Variants in TUBA4B observed in about 807,000 individuals in gnomAD.
TUBA4B encodes tubulin alpha 4b.
TUBA4B carries 13 observed loss-of-function variants against 18.4 expected under a neutral mutation model. The ratio of observed to expected loss-of-function variants is 0.71; its 90% CI spans 0.46 to 1.12. TUBA4B has a LOEUF of 1.12. Ranked by LOEUF, TUBA4B falls within the 50% of genes most tolerant of loss-of-function variation. The pLI is 0.00. For missense variants in TUBA4B, 244 were observed against 250.0 expected, an observed-to-expected ratio of 0.98 and a Z score of 0.16; for synonymous variants, 101 against 99.1, an observed-to-expected ratio of 1.02 and a Z score of -0.11.
rs1951831414 is a variant in TUBA4B, at chr2:219,272,059, A to G, written c.*360A>G. ...GGTGAGTTCTCCAAGGCCCATGAGG[A>G]TATGACTGCCCTGGAGAAGGATTAC... On this transcript the variant is annotated 3_prime_UTR_variant, in exon 4 of 4. Coordinates refer to ENST00000490341, the MANE Select transcript of TUBA4B (RefSeq NM_001355221.1). 6.0e-6 allele frequency: 8 copies of G among 1,335,494 alleles called. No individual in the cohort carries two copies. Among genetic ancestry groups the G allele is most frequent in the Non-Finnish European group, 8.6e-6 (8 of 935,326 alleles). 82.7% of individuals were successfully genotyped at this position (1,335,494 alleles called of 1,614,324 possible).
At chr2:219,270,072 G>A (rs1951816093) in intron 2 of TUBA4B, 130 bp from the exon 3 acceptor site, 5 of 623,854 alleles carry the variant, frequency 8.0e-6, no homozygotes, top group Non-Finnish European at 1.4e-5. Flanking sequence ...GCAGGTAATA[G>A]CAGCAGCCTG....
chr2:219,266,454 T>TATA, intron 1 of TUBA4B, 67 bp from the exon 2 acceptor site: 1 of 676,030 alleles, frequency 1.5e-6, no homozygotes, highest in South Asian at 1.6e-5. Context: ...ACCCAGCGAG[T>TATA]ATAAGGAGGA....
rs1312688130 is a variant in TUBA4B at position 219,271,480 on chromosome 2, C to T, written c.507C>T (p.Leu169=). 1 of 1,614,196 alleles carries T rather than the reference C, an allele frequency of 6.2e-7. No individual in the cohort carries two copies. The highest frequency in any genetic ancestry group is 1.7e-5 in the Admixed American group (1 of 60,024). ...ERPTYTNLNR[L]ISQIVSSITA... ...CAACCTACACCAACCTCAATCGCCTCATTAGCCAAATTGTCTCCTCCATCA... is the reference window on the plus strand; with the variant it reads ...CAACCTACACCAACCTCAATCGCCTTATTAGCCAAATTGTCTCCTCCATCA... The change falls in exon 4 of 4, where the codon CTC becomes CTT. Residue 169 remains leucine (L), a synonymous_variant. Transcript: ENST00000490341.
At chr2:219,268,254 A>G (rs531161904) in intron 2 of TUBA4B, among the ~76,000 whole-genome samples, 1 of 151,836 alleles carries the variant, frequency 6.6e-6, no homozygotes. Flanking sequence ...GATTATAAGC[A>G]TACACCATTT....
At chr2:219,270,889 C>T (rs1274229807) in intron 3 of TUBA4B, among the ~76,000 whole-genome samples, 4 of 149,336 alleles carry the variant, frequency 2.7e-5, no homozygotes, top group Non-Finnish European at 5.9e-5. Flanking sequence ...GTGCACTGGT[C>T]AGCCTAGACA....
rs370289235 is a variant in TUBA4B, at chr2:219,259,385, T to TTG, written c.12+5980_12+5981dup. On this transcript the variant is annotated intron_variant, in intron 1 of 3. Transcript: ENST00000490341. ...AGTGAAATACAGATTCTGCTTCTGA[T>TTG]TGTGTGTGTGTGTGTTTGTGTGTGT... Among the ~76,000 whole-genome samples the TTG allele has an allele frequency of 1.6e-3, 234 of 149,026 alleles. 1 individual carries two copies. The highest frequency in any genetic ancestry group is 7.1e-3 in the Middle Eastern group (2 of 282).
chr2:219,264,554 T>C lies in TUBA4B; in HGVS notation c.13-1967T>C, dbSNP rs1951778620. On this transcript the variant is annotated intron_variant, in intron 1 of 3. Transcript: ENST00000490341. ...CTGCTCTTGAGCGGTGGGGCTGTTA[T>C]GAGGTAGAATAAGGGTTACATGAGC... is the stretch of plus-strand genomic sequence containing the variant. 2.6e-5 allele frequency among the ~76,000 whole-genome samples: 4 copies of C among 151,942 alleles called. No individual in the cohort carries two copies. In the South Asian group the frequency reaches 8.3e-4, roughly 32 times the overall value.
At chr2:219,259,333 A>G (rs1456803042) in intron 1 of TUBA4B, among the ~76,000 whole-genome samples, 2 of 148,374 alleles carry the variant, frequency 1.3e-5, no homozygotes, top group East Asian at 2.0e-4. Context: ...AAAAAAAAAA[A>G]AAAAAAAGAA....
intron 2 of TUBA4B, among the ~76,000 whole-genome samples, chr2:219,267,827 T>C (rs1951799794): frequency 6.6e-6 from 1 of 152,108 alleles, no homozygotes; most frequent in South Asian, 2.1e-4. Flanking sequence ...CCTCCTAAAG[T>C]GTTGGGATTA....
At chr2:219,255,358 C>T (rs1415614764) in intron 1 of TUBA4B, among the ~76,000 whole-genome samples, 3 of 152,222 alleles carry the variant, frequency 2.0e-5, no homozygotes, top group Non-Finnish European at 4.4e-5. Flanking sequence ...CCTGCCTCAG[C>T]CTCTGGAGTA....
chr2:219,270,434 T>C (rs1951818624), intron 3 of TUBA4B, 99 bp downstream of exon 3: 2 of 663,870 alleles, frequency 3.0e-6, no homozygotes, highest in Non-Finnish European at 5.5e-6. Flanking sequence ...CTTCAGCCTC[T>C]GGGAGAAACA....
intron 1 of TUBA4B, among the ~76,000 whole-genome samples, chr2:219,257,991 T>G (rs992410924): frequency 7.0e-6 from 1 of 143,612 alleles, no homozygotes; most frequent in African/African-American, 2.6e-5. Context: ...GTGTTTTTTT[T>G]TTTTTTTTTT....
rs1188620838 is a variant in TUBA4B, at chr2:219,253,271, C to G, written c.-137C>G. ...TCTGCCCATCCGCGCACCCGGGCTT[C>G]GGCTGGAGAGGGCCAGCTCGCTTCA... On this transcript the variant is annotated 5_prime_UTR_variant, in exon 1 of 4. Transcript: ENST00000490341. The G allele has an allele frequency of 7.4e-6, 11 of 1,493,238 alleles. No homozygotes were observed. The East Asian group carries it at 2.2e-4, about 30-fold the overall frequency. 92.5% of individuals were successfully genotyped at this position (1,493,238 alleles called of 1,614,324 possible).
chr2:219,262,043 G>A (rs1221163272), intron 1 of TUBA4B, among the ~76,000 whole-genome samples: 1 of 152,244 alleles, frequency 6.6e-6, no homozygotes, highest in African/African-American at 2.4e-5. Context: ...CGGGTGTAGT[G>A]GCTCACGCCT....
chr2:219,267,709 C>T (rs1247165921), intron 2 of TUBA4B, among the ~76,000 whole-genome samples: 5 of 151,968 alleles, frequency 3.3e-5, no homozygotes, highest in African/African-American at 7.3e-5. Context: ...GGACTACAGG[C>T]GCTTGCCACC....
chr2:219,271,166 G>C lies in TUBA4B; in HGVS notation c.193G>C (p.Ala65Pro). 4.4e-6 allele frequency: 4 copies of C among 914,842 alleles called. No individual in the cohort carries two copies. Among genetic ancestry groups the C allele is most frequent in the Non-Finnish European group, 7.3e-6 (4 of 549,462 alleles). 56.7% of individuals were successfully genotyped at this position (914,842 alleles called of 1,614,324 possible). Residue 65 changes from alanine to proline, a missense_variant and splice_region_variant, in exon 4 of 4, where the codon GCT becomes CCT. By Grantham distance (27) the Ala-to-Pro change is conservative. Coordinates refer to ENST00000490341, the MANE Select transcript of TUBA4B (RefSeq NM_001355221.1). Reference sequence around the variant, plus strand: ...ATTTCCCCTCCCCTTCCCTGTCTAGGCTGACCAGTGCACAGGACTTCAGGG... The same window carrying C: ...ATTTCCCCTCCCCTTCCCTGTCTAGCCTGACCAGTGCACAGGACTTCAGGG... ...DLLLDRIRKL[A>P]DQCTGLQGFL...
At chr2:219,257,117 C>G (rs1951725483) in intron 1 of TUBA4B, among the ~76,000 whole-genome samples, 1 of 147,792 alleles carries the variant, frequency 6.8e-6, no homozygotes, top group South Asian at 2.2e-4. Context: ...GATCTCGGCT[C>G]ACTGCAAGCT....
chr2:219,272,085 A>C lies in TUBA4B; in HGVS notation c.*386A>C. 1.8e-6 allele frequency: 2 copies of C among 1,095,898 alleles called. No individual in the cohort carries two copies. Among genetic ancestry groups the C allele is most frequent in the Non-Finnish European group, 1.4e-6 (1 of 736,018 alleles). 67.9% of individuals were successfully genotyped at this position (1,095,898 alleles called of 1,614,324 possible). Reference sequence around the variant, plus strand: ...TATGACTGCCCTGGAGAAGGATTACAAGGAGGTGGGCATGGATAGTGTGGA... The same window carrying C: ...TATGACTGCCCTGGAGAAGGATTACCAGGAGGTGGGCATGGATAGTGTGGA... On this transcript the variant is annotated 3_prime_UTR_variant, in exon 4 of 4. Coordinates refer to ENST00000490341, the MANE Select transcript of TUBA4B (RefSeq NM_001355221.1).
intron 2 of TUBA4B, among the ~76,000 whole-genome samples, chr2:219,269,363 G>T (rs940976481): frequency 2.0e-5 from 3 of 152,172 alleles, no homozygotes; most frequent in African/African-American, 7.2e-5. Flanking sequence ...CATTGAGACA[G>T]GCACTGAGCA....
Sources: allele counts gnomAD v4.1 joint callset (sites outside exome capture counted in the v4.1 genomes callset), GRCh38; gene constraint gnomAD v4.1.1; transcripts MANE v1.5; gene names NCBI Gene and HGNC (gene_info 2026-07-23, HGNC 2026-07-21).